Variants in AGXT observed in about 807,000 individuals in gnomAD.
AGXT encodes the protein L-alanine: glyoxylate aminotransferase 1.
Under a neutral mutation model 46.9 loss-of-function variants are expected in AGXT, and 41 were observed. The ratio of observed to expected loss-of-function variants is 0.88; its 90% CI spans 0.68 to 1.14. The LOEUF (loss-of-function observed/expected upper bound fraction) is 1.14. Ranked by LOEUF, AGXT falls within the 50% of genes most tolerant of loss-of-function variation. The pLI, the probability that AGXT is intolerant of heterozygous loss-of-function variation, is 0.00. For missense variants in AGXT, 525 were observed against 522.7 expected (o/e 1.00, Z -0.04); for synonymous variants, 244 against 227.9 (o/e 1.07, Z -0.64).
In AGXT at chr2:240,878,696, C is replaced by T; in HGVS notation, c.1072-18C>T. 1 of 1,543,106 alleles carries T rather than the reference C, an allele frequency of 6.5e-7. No individual in the cohort carries two copies. The highest frequency in any genetic ancestry group is 8.7e-7 in the Non-Finnish European group (1 of 1,147,684). ...TCCCAGGCGGGAGGCTGACGTCAGC[C>T]CGCCCTGTGCCCCCCAGGTGCTGCG... On this transcript the variant is annotated intron_variant, in intron 10 of 10. Transcript: ENST00000307503.
intron 8 of AGXT, 134 bp downstream of exon 8, chr2:240,876,138 G>C: frequency 9.1e-7 from 1 of 1,093,554 alleles, no homozygotes; most frequent in Non-Finnish European, 1.4e-6. Flanking sequence ...CAGTGGGGGT[G>C]GGGGAGAGAG....
chr2:240,870,222 G>A (rs921387459), intron 2 of AGXT, among the ~76,000 whole-genome samples: 3 of 152,270 alleles, frequency 2.0e-5, no homozygotes, highest in African/African-American at 7.2e-5. Flanking sequence ...CAAGGCTGCT[G>A]CCTCACTCAC....
intron 6 of AGXT, 30 bp from the exon 7 acceptor site, chr2:240,875,079 C>T: frequency 6.4e-7 from 1 of 1,555,612 alleles, no homozygotes; most frequent in South Asian, 1.1e-5. Flanking sequence ...AACTGAGAGG[C>T]TGGTGCTCAG....
At chr2:240,874,947 C>T (rs1261066196) in intron 6 of AGXT, among the ~76,000 whole-genome samples, 162 bp from the exon 7 acceptor site, 3 of 152,334 alleles carry the variant, frequency 2.0e-5, no homozygotes, top group Non-Finnish European at 2.9e-5. Context: ...ACCCACGACC[C>T]ACCCGGTCCC....
At chr2:240,875,245 A>T in intron 7 of AGXT, 41 bp downstream of exon 7, 1 of 1,533,162 alleles carries the variant, frequency 6.5e-7, no homozygotes, top group Non-Finnish European at 9.0e-7. Context: ...GGCGCTGGGC[A>T]TGGCTGAGAG....
intron 2 of AGXT, among the ~76,000 whole-genome samples, chr2:240,869,885 G>A (rs2058982094): frequency 6.6e-6 from 1 of 152,158 alleles, no homozygotes; most frequent in Non-Finnish European, 1.5e-5. Flanking sequence ...TTTAATGATT[G>A]ATTGTGGCAT....
At chr2:240,870,858 C>A (rs561396348) in intron 3 of AGXT, 150 bp downstream of exon 3, 58 of 747,658 alleles carry the variant, frequency 7.8e-5, no homozygotes, top group Admixed American at 2.4e-5. Context: ...ATCTGGTGAG[C>A]GGCCACAGGG....
At chr2:240,872,421 A>ATGGAGGC (rs2058996937) in intron 4 of AGXT, among the ~76,000 whole-genome samples, 1 of 138,766 alleles carries the variant, frequency 7.2e-6, no homozygotes, top group Non-Finnish European at 1.5e-5. Flanking sequence ...GTGAACATGC[A>ATGGAGGC]GGAGGAGGGT....
At chr2:240,877,778 C>A in intron 9 of AGXT, 146 bp downstream of exon 9, 2 of 1,030,172 alleles carry the variant, frequency 1.9e-6, no homozygotes, top group Non-Finnish European at 2.8e-6. Context: ...GGATTAGTCT[C>A]GGCAGGAGCC....
intron 8 of AGXT, 30 bp downstream of exon 8, chr2:240,876,034 C>T: frequency 6.2e-7 from 1 of 1,610,692 alleles, no homozygotes; most frequent in South Asian, 1.1e-5. Flanking sequence ...CAGGAGGAGA[C>T]AGGGCCACTG....
chr2:240,874,040 A>C lies in AGXT; in HGVS notation c.658A>C (p.Ile220Leu). 1 of 1,613,618 alleles carries C rather than the reference A, an allele frequency of 6.2e-7. No homozygotes were observed. Among genetic ancestry groups the C allele is most frequent in the Non-Finnish European group, 8.5e-7 (1 of 1,179,986 alleles). ...GAACGCCCCTCCAGGGACCTCGCTC[A>C]TCTCCTTCAGTGACAAGGCCAAGTG... ...ALNAPPGTSL[I>L]SFSDKAKKKM... Residue 220 changes from isoleucine (I) to leucine (L), a missense_variant, in exon 6 of 11, where the codon ATC becomes CTC. Transcript: ENST00000307503.
In AGXT at chr2:240,878,022, G is replaced by A. The variant is rs781672120; in HGVS notation, c.943G>A (p.Ala315Thr). The A allele has an allele frequency of 5.0e-6, 8 of 1,611,222 alleles. No individual in the cohort carries two copies. In the Admixed American group the frequency reaches 1.0e-4, roughly 20 times the overall value. ...LGLQLFVKDP[A>T]LRLPTVTTVA... Reference sequence around the variant, plus strand: ...GCACTGAGCCAGGCCCCTCCTGCAGGCGCTCCGGCTTCCCACAGTCACCAC... The same window carrying A: ...GCACTGAGCCAGGCCCCTCCTGCAGACGCTCCGGCTTCCCACAGTCACCAC... Residue 315 changes from alanine (A) to threonine (T), a missense_variant and splice_region_variant, in exon 10 of 11, where the codon GCG becomes ACG. Ala to Thr is a moderately conservative substitution (Grantham distance 58). Coordinates refer to ENST00000307503, the MANE Select transcript of AGXT (RefSeq NM_000030.3).
chr2:240,872,463 C>CGTGAACATGCAGGTGGAGGAGGGT (rs2058997515), intron 4 of AGXT, among the ~76,000 whole-genome samples: 1 of 40,996 alleles, frequency 2.4e-5, no homozygotes, highest in African/African-American at 9.1e-5. Context: ...AGGAGGAGGG[C>CGTGAACATGCAGGTGGAGGAGGGT]GAGAGTTCGT....
intron 8 of AGXT, chr2:240,877,291 C>G (rs1353056479): frequency 3.0e-6 from 2 of 673,872 alleles, no homozygotes; most frequent in East Asian, 5.7e-5. Context: ...CTCTTCTCCC[C>G]CAGGGGCCAC....
intron 2 of AGXT, among the ~76,000 whole-genome samples, chr2:240,870,343 ACT>A (rs1370895894): frequency 4.6e-5 from 7 of 151,738 alleles, no homozygotes; most frequent in Non-Finnish European, 1.0e-4. Flanking sequence ...CCGGGAGCTC[ACT>A]CTCTGCTTGG....
chr2:240,876,599 A>C (rs1256925507), intron 8 of AGXT, among the ~76,000 whole-genome samples: 4 of 152,266 alleles, frequency 2.6e-5, no homozygotes, highest in African/African-American at 9.6e-5. Context: ...CACAGGGCCC[A>C]TTGCCAGCCA....
chr2:240,869,247 G>A lies in AGXT; in HGVS notation c.243G>A (p.Ser81=), dbSNP rs145135990. The part of the protein sequence containing the change: ...RNPLTLVISG[S]GHCALEAALV... ...CACTCACACTGGTCATCTCTGGCTC[G>A]GGACACTGTGCCCTGGAGGCCGCCC... The change falls in exon 2 of 11, where the codon TCG becomes TCA. Residue 81 remains serine, a synonymous_variant. Coordinates refer to ENST00000307503, the MANE Select transcript of AGXT (RefSeq NM_000030.3). 102 of 1,613,796 alleles carry A rather than the reference G, an allele frequency of 6.3e-5. No homozygotes were observed. The Middle Eastern group carries it at 1.3e-3, about 21-fold the overall frequency.
intron 9 of AGXT, 65 bp from the exon 10 acceptor site, chr2:240,877,957 A>C: frequency 6.3e-7 from 1 of 1,595,576 alleles, no homozygotes; most frequent in Non-Finnish European, 8.5e-7. Context: ...GGTGCAGGCC[A>C]AGAGCTGTCA....
At position 240,878,095 on chromosome 2, in the gene AGXT, T is replaced by C; in HGVS notation, c.1016T>C (p.Val339Ala). Reference protein sequence around the residue: ...GYDWRDIVSYVIDHFDIEIMG... With the variant: ...GYDWRDIVSYAIDHFDIEIMG... ...GACTGGAGAGACATCGTCAGCTACG[T>C]CATAGACCACTTCGACATTGAGATC... The change falls in exon 10 of 11, where the codon GTC (valine) becomes GCC (alanine). Residue 339 changes from valine (V) to alanine (A), a missense_variant. Coordinates refer to ENST00000307503, the MANE Select transcript of AGXT (RefSeq NM_000030.3). 6.2e-7 allele frequency: 1 copy of C among 1,613,378 alleles called. No individual in the cohort carries two copies. The highest frequency in any genetic ancestry group is 1.1e-5 in the South Asian group (1 of 91,078).
Sources: allele counts gnomAD v4.1 joint callset (sites outside exome capture counted in the v4.1 genomes callset), GRCh38; gene constraint gnomAD v4.1.1; transcripts MANE v1.5; gene names NCBI Gene and HGNC (gene_info 2026-07-23, HGNC 2026-07-21).